Variants in CLMP observed in about 807,000 individuals in gnomAD.
CLMP encodes the protein CXADR-like membrane protein.
In CLMP, 27 loss-of-function variants were observed where a neutral mutation model predicts 45.2. The ratio of observed to expected loss-of-function variants is 0.60; its 90% CI spans 0.44 to 0.82. The LOEUF is 0.82. Ranked by LOEUF, CLMP falls within the 40% of genes least tolerant of loss-of-function variation. The pLI is 0.00. For synonymous variants in CLMP, 167 were observed against 171.4 expected, an observed-to-expected ratio of 0.97 and a Z score of 0.20; for missense variants, 403 against 448.4, an observed-to-expected ratio of 0.90 and a Z score of 0.91.
chr11:123,101,190 C>G (rs1362975787), intron 1 of CLMP, among the ~76,000 whole-genome samples: 5 of 152,206 alleles, frequency 3.3e-5, no homozygotes, highest in Non-Finnish European at 7.3e-5. Flanking sequence ...CTCACTGCGA[C>G]CTCTGCCTCC....
At chr11:123,183,139 T>A (rs950913491) in intron 1 of CLMP, among the ~76,000 whole-genome samples, 3 of 152,206 alleles carry the variant, frequency 2.0e-5, no homozygotes, top group Admixed American at 2.0e-4. Flanking sequence ...TGCATTCTGG[T>A]TCAGTGGGTC....
At chr11:123,089,253 C>T (rs1463558082) in intron 2 of CLMP, among the ~76,000 whole-genome samples, 4 of 151,820 alleles carry the variant, frequency 2.6e-5, no homozygotes, top group African/African-American at 9.7e-5. Context: ...GGCATGGTGG[C>T]GCATGCCTGT....
At chr11:123,095,869 C>T (rs941667271) in intron 2 of CLMP, among the ~76,000 whole-genome samples, 2 of 152,108 alleles carry the variant, frequency 1.3e-5, no homozygotes, top group Non-Finnish European at 2.9e-5. Flanking sequence ...ATGTATTCTA[C>T]GAGGGCAGAG....
intron 1 of CLMP, among the ~76,000 whole-genome samples, chr11:123,148,502 T>A (rs560271045): frequency 6.6e-6 from 1 of 152,238 alleles, no homozygotes; most frequent in Non-Finnish European, 1.5e-5. Context: ...ACAAAATAAG[T>A]TGGTTCCCGT....
chr11:123,099,823 T>C (rs1866034393), intron 1 of CLMP, among the ~76,000 whole-genome samples: 1 of 152,172 alleles, frequency 6.6e-6, no homozygotes, highest in Admixed American at 6.6e-5. Flanking sequence ...CTTGCCGCAG[T>C]GAGCACAGTG....
intron 1 of CLMP, among the ~76,000 whole-genome samples, chr11:123,153,100 A>G (rs569369740): frequency 6.6e-6 from 1 of 152,312 alleles, no homozygotes; most frequent in Admixed American, 6.5e-5. Context: ...GAGCAGTGAC[A>G]TTAAATGTAA....
chr11:123,126,560 C>T (rs1033780823), intron 1 of CLMP, among the ~76,000 whole-genome samples: 8 of 152,046 alleles, frequency 5.3e-5, no homozygotes, highest in African/African-American at 1.9e-4. Flanking sequence ...ACCTGGTCTC[C>T]TGCCTTTCTA....
chr11:123,195,022 C>T lies in CLMP; in HGVS notation c.-82G>A. ...CCGGGCGCCTCCGACGGACCTCGGG[C>T]GAGCTGGGCGCGGCGCCTCGGGGTG... On this transcript the variant is annotated 5_prime_UTR_variant, in exon 1 of 7. Transcript: ENST00000448775. 7.0e-7 allele frequency: 1 copy of T among 1,428,546 alleles called. No individual in the cohort carries two copies. Among genetic ancestry groups the T allele is most frequent in the South Asian group, 1.3e-5 (1 of 75,280 alleles). 88.5% of individuals were successfully genotyped at this position (1,428,546 alleles called of 1,614,324 possible). A position where few individuals can be genotyped will look rare whatever the true frequency, so the allele number is the denominator to read the frequency against.
At chr11:123,110,219 G>C (rs1043524484) in intron 1 of CLMP, among the ~76,000 whole-genome samples, 1 of 152,098 alleles carries the variant, frequency 6.6e-6, no homozygotes, top group East Asian at 1.9e-4. Context: ...ACTTTGGGGG[G>C]CTGAGGTGGG....
intron 1 of CLMP, among the ~76,000 whole-genome samples, chr11:123,112,429 C>T (rs544483250): frequency 6.6e-6 from 1 of 150,684 alleles, no homozygotes; most frequent in Non-Finnish European, 1.5e-5. Flanking sequence ...CCTCCGCCTC[C>T]AGGGTTGAAG....
At position 123,073,608 on chromosome 11, in the gene CLMP, T is replaced by G; in HGVS notation, c.988A>C (p.Thr330Pro). The G allele has an allele frequency of 1.2e-6, 2 of 1,614,208 alleles. No individual in the cohort carries two copies. Among genetic ancestry groups the G allele is most frequent in the South Asian group, 2.2e-5 (2 of 91,086 alleles). ...TDAAPQPGLA[T>P]QAYSLVGPEV... ...GGCCCCACTAGGCTGTATGCCTGGG[T>G]GGCCAGCCCTGGCTGGGGTGCTGCG... The change falls in exon 7 of 7, where the codon ACC (threonine) becomes CCC (proline). Residue 330 changes from threonine to proline, a missense_variant. Transcript: ENST00000448775.
intron 5 of CLMP, among the ~76,000 whole-genome samples, chr11:123,075,760 A>G (rs1345280133): frequency 6.6e-6 from 1 of 152,134 alleles, no homozygotes; most frequent in Non-Finnish European, 1.5e-5. Flanking sequence ...AAATCATAGC[A>G]TGTCTGAAGA....
chr11:123,106,364 A>G (rs893492140), intron 1 of CLMP, among the ~76,000 whole-genome samples: 8 of 151,514 alleles, frequency 5.3e-5, no homozygotes, highest in African/African-American at 1.9e-4. Context: ...CCCCAGCTAC[A>G]TATATAATTC....
At chr11:123,170,393 A>T (rs1246066475) in intron 1 of CLMP, among the ~76,000 whole-genome samples, 1 of 151,848 alleles carries the variant, frequency 6.6e-6, no homozygotes, top group Admixed American at 6.6e-5. Context: ...CGATCTGTGG[A>T]AGTTCCTCCT....
chr11:123,178,986 A>C (rs538688257), intron 1 of CLMP, among the ~76,000 whole-genome samples: 4 of 152,162 alleles, frequency 2.6e-5, no homozygotes, highest in African/African-American at 7.2e-5. Context: ...GTGTCTCCCT[A>C]TGTTGCTCAG....
At chr11:123,109,507 T>A (rs969365353) in intron 1 of CLMP, among the ~76,000 whole-genome samples, 46 of 152,316 alleles carry the variant, frequency 3.0e-4, no homozygotes, top group African/African-American at 1.1e-3. Flanking sequence ...AAGATGATTG[T>A]CTTTTCCTTG....
chr11:123,078,933 C>T (rs1865771046), intron 5 of CLMP, among the ~76,000 whole-genome samples: 1 of 152,028 alleles, frequency 6.6e-6, no homozygotes, highest in Admixed American at 6.6e-5. Flanking sequence ...CGTGAGTCAC[C>T]GTGCCCGGCA....
intron 1 of CLMP, among the ~76,000 whole-genome samples, chr11:123,155,238 G>A (rs139631471): frequency 1.5e-3 from 226 of 152,324 alleles, no homozygotes; most frequent in African/African-American, 4.8e-3. Flanking sequence ...GGGTCCTCCT[G>A]CCTTGGCCTC....
At chr11:123,088,140 C>T (rs1415194314) in intron 2 of CLMP, among the ~76,000 whole-genome samples, 1 of 152,016 alleles carries the variant, frequency 6.6e-6, no homozygotes, top group Non-Finnish European at 1.5e-5. Context: ...GAACTCCTGA[C>T]TTCAGGTGAT....
Sources: allele counts gnomAD v4.1 joint callset (sites outside exome capture counted in the v4.1 genomes callset), GRCh38; gene constraint gnomAD v4.1.1; transcripts MANE v1.5; gene names NCBI Gene and HGNC (gene_info 2026-07-23, HGNC 2026-07-21).